Variants in LAMA1 observed in about 807,000 individuals in gnomAD.
LAMA1 encodes the protein laminin subunit alpha-1.
In LAMA1, 219 loss-of-function variants were observed where a neutral mutation model predicts 348.7. The ratio of observed to expected loss-of-function variants is 0.63; its 90% confidence interval spans 0.56 to 0.70. LAMA1 has a LOEUF of 0.70. Among genes scored for constraint, LAMA1 ranks in the 30% least tolerant of loss-of-function variants. LAMA1 has a pLI of 0.00. For missense variants in LAMA1, 3,744 were observed against 3,888.0 expected (o/e 0.96, Z 0.99); for synonymous variants, 1,487 against 1,491.0 (o/e 1.00, Z 0.06).
At position 6,944,092 on chromosome 18, in the gene LAMA1, T is replaced by C. The variant is rs1221223875; in HGVS notation, c.8845-690A>G. 4.6e-5 allele frequency among the ~76,000 whole-genome samples: 7 copies of C among 152,132 alleles called. No individual in the cohort carries two copies. In the East Asian group the frequency reaches 1.4e-3, roughly 30 times the overall value. ...GTGCAGTGGCGCGGTCTTGGCTTACTGCAAACTCCACCTCCTGGGTTCAAG... is the reference window on the plus strand; with the variant it reads ...GTGCAGTGGCGCGGTCTTGGCTTACCGCAAACTCCACCTCCTGGGTTCAAG... On this transcript the variant is annotated intron_variant, in intron 61 of 62. Coordinates refer to ENST00000389658, the MANE Select transcript of LAMA1 (RefSeq NM_005559.4).
At position 6,961,451 on chromosome 18, in the gene LAMA1, A is replaced by G. The variant is rs942249257; in HGVS notation, c.7626+135T>C. 5 of 969,054 alleles carry G rather than the reference A, an allele frequency of 5.2e-6. No homozygotes were observed. In the African/African-American group the frequency reaches 8.1e-5, roughly 16 times the overall value. 60.0% of individuals were successfully genotyped at this position (969,054 alleles called of 1,614,324 possible). On this transcript the variant is annotated intron_variant, in intron 53 of 62. Coordinates refer to ENST00000389658, the MANE Select transcript of LAMA1 (RefSeq NM_005559.4). The stretch of plus-strand genomic sequence containing the variant: ...ATGACATTCAGCAACAATAACTTTT[A>G]CTTATTGAAAATGCACATCCATAAA...
chr18:6,948,270 A>T lies in LAMA1; in HGVS notation c.8710+133T>A, dbSNP rs371228857. On this transcript the variant is annotated intron_variant, in intron 60 of 62. Transcript: ENST00000389658. ...TTTTACGCCAAGAAATTAGGAATCA[A>T]CTGGAATACTAAACTCAATGTGGTT... 18 of 1,199,828 alleles carry T rather than the reference A, an allele frequency of 1.5e-5. No individual in the cohort carries two copies. In the South Asian group the frequency reaches 1.9e-4, roughly 13 times the overall value. 74.3% of individuals were successfully genotyped at this position (1,199,828 alleles called of 1,614,324 possible).
intron 20 of LAMA1, 150 bp downstream of exon 20, chr18:7,017,128 C>T (rs1434874806): frequency 5.4e-6 from 4 of 736,712 alleles, no homozygotes; most frequent in Non-Finnish European, 9.6e-6. Flanking sequence ...AATCAAACCT[C>T]CTTTGTTGAT....
chr18:7,060,374 T>C (rs1445433185), intron 3 of LAMA1, among the ~76,000 whole-genome samples: 1 of 152,186 alleles, frequency 6.6e-6, no homozygotes, highest in Non-Finnish European at 1.5e-5. Flanking sequence ...ATGTGCAAAA[T>C]AAACATGTCC....
chr18:7,074,263 T>C (rs760234891), intron 3 of LAMA1, among the ~76,000 whole-genome samples: 5 of 152,202 alleles, frequency 3.3e-5, no homozygotes, highest in Non-Finnish European at 5.9e-5. Context: ...GCAATCCTAA[T>C]GGGTGTGAAG....
rs754834851 is a variant in LAMA1 at position 7,007,090 on chromosome 18, G to C, written c.4260+49C>G. ...TTAGACCGGAAATCTGACACTCAGC[G>C]TCCACTTTACTTCTAAACTCAGGCA... On this transcript the variant is annotated intron_variant, in intron 29 of 62. Transcript: ENST00000389658. The C allele has an allele frequency of 2.1e-5, 33 of 1,608,410 alleles. No homozygotes were observed. In the East Asian group the frequency reaches 6.7e-4, roughly 33 times the overall value.
At chr18:6,990,281 T>C (rs679388) in intron 36 of LAMA1, among the ~76,000 whole-genome samples, 78,318 of 151,946 alleles carry the variant, frequency 0.52, 20,917 homozygotes, top group East Asian at 0.7. Context: ...ACAATGCTTG[T>C]AACCAGGGTT....
At chr18:7,096,319 C>T (rs2058261011) in intron 1 of LAMA1, among the ~76,000 whole-genome samples, 1 of 152,156 alleles carries the variant, frequency 6.6e-6, no homozygotes, top group Non-Finnish European at 1.5e-5. Flanking sequence ...TTGTTAATGG[C>T]ATGATGACTA....
chr18:7,020,408 C>T (rs752014209), intron 19 of LAMA1, among the ~76,000 whole-genome samples: 2 of 152,120 alleles, frequency 1.3e-5, no homozygotes, highest in South Asian at 2.1e-4. Context: ...CACACAACAC[C>T]GGCACTTGCA....
At chr18:7,072,340 T>C (rs2058149466) in intron 3 of LAMA1, among the ~76,000 whole-genome samples, 1 of 152,210 alleles carries the variant, frequency 6.6e-6, no homozygotes, top group African/African-American at 2.4e-5. Flanking sequence ...AGGAGTTTGT[T>C]AGGTACTCTA....
intron 12 of LAMA1, among the ~76,000 whole-genome samples, chr18:7,036,586 C>T (rs2057995726): frequency 6.6e-6 from 1 of 151,850 alleles, no homozygotes; most frequent in Admixed American, 6.6e-5. Context: ...GGGTATATGA[C>T]AGCAATATAT....
At chr18:6,996,207 ATC>A (rs2057780460) in intron 33 of LAMA1, among the ~76,000 whole-genome samples, 1 of 152,152 alleles carries the variant, frequency 6.6e-6, no homozygotes, top group African/African-American at 2.4e-5. Flanking sequence ...ACATAAAAAC[ATC>A]TCTTAGAGGT....
chr18:7,039,056 A>AAT (rs1168857776), intron 10 of LAMA1, 106 bp from the exon 11 acceptor site: 10 of 914,106 alleles, frequency 1.1e-5, no homozygotes, highest in Middle Eastern at 2.1e-4. Context: ...GAGACAGGTG[A>AAT]ATAAACGTCC....
chr18:7,014,483 G>A (rs754356182), intron 22 of LAMA1, among the ~76,000 whole-genome samples: 3 of 151,982 alleles, frequency 2.0e-5, no homozygotes, highest in East Asian at 1.9e-4. Flanking sequence ...TTAGCTGGGC[G>A]TGATAGCACA....
chr18:6,971,643 G>C (rs748410420), intron 48 of LAMA1, among the ~76,000 whole-genome samples: 2 of 151,912 alleles, frequency 1.3e-5, no homozygotes, highest in African/African-American at 2.4e-5. Context: ...ATAATATAAT[G>C]TAGATTGGTA....
chr18:7,028,897 G>C lies in LAMA1; in HGVS notation c.2275-2791C>G, dbSNP rs142144520. Among the ~76,000 whole-genome samples, 1,389 of 152,300 alleles carry C rather than the reference G, an allele frequency of 9.1e-3. 6 individuals are homozygous for C. The highest frequency in any genetic ancestry group is 0.065 in the Middle Eastern group (19 of 294). On this transcript the variant is annotated intron_variant, in intron 16 of 62. Transcript: ENST00000389658. ...CACACGTGTGTCGCTGCTCCTCTTGGTGTGCACCTCAGCTCCCATTTCCCC... is the reference window on the plus strand; with the variant it reads ...CACACGTGTGTCGCTGCTCCTCTTGCTGTGCACCTCAGCTCCCATTTCCCC...
At chr18:7,105,864 C>T (rs566942439) in intron 1 of LAMA1, among the ~76,000 whole-genome samples, 1 of 152,142 alleles carries the variant, frequency 6.6e-6, no homozygotes, top group Non-Finnish European at 1.5e-5. Flanking sequence ...TGGCGAATGA[C>T]CAAGTCAGCA....
chr18:6,964,014 C>CT (rs79621141), intron 51 of LAMA1: 1,942 of 144,718 alleles, frequency 0.013, 32 homozygotes, highest in African/African-American at 0.041. Flanking sequence ...AGCATGATTT[C>CT]TTTTTTTTTT....
intron 55 of LAMA1, 118 bp from the exon 56 acceptor site, chr18:6,956,883 T>TA: frequency 8.8e-7 from 1 of 1,138,324 alleles, no homozygotes. Flanking sequence ...ATATTTCTCT[T>TA]AGAGTAACCA....
Sources: allele counts gnomAD v4.1 joint callset (sites outside exome capture counted in the v4.1 genomes callset), GRCh38; gene constraint gnomAD v4.1.1; transcripts MANE v1.5; gene names NCBI Gene and HGNC (gene_info 2026-07-23, HGNC 2026-07-21).